Variants in PTPRD observed in about 807,000 individuals in gnomAD.
PTPRD encodes the protein protein tyrosine phosphatase receptor type D.
Under a neutral mutation model 214.5 loss-of-function variants are expected in PTPRD, and 34 were observed. The observed-to-expected ratio is 0.16, with a 90% CI of 0.12 to 0.21. The LOEUF (loss-of-function observed/expected upper bound fraction) is 0.21. Among genes scored for constraint, PTPRD ranks in the 10% least tolerant of loss-of-function variants. The pLI is 1.00. For synonymous variants in PTPRD, 1,128 were observed against 845.7 expected (o/e 1.33, Z -5.79); for missense variants, 2,545 against 2,398.7 (o/e 1.06, Z -1.27).
At chr9:9,842,989 G>C (rs907120597) in intron 5 of PTPRD, among the ~76,000 whole-genome samples, 1 of 152,030 alleles carries the variant, frequency 6.6e-6, no homozygotes, top group African/African-American at 2.4e-5. Context: ...CTGTAAGGCA[G>C]GAGTTAGCAA....
rs996283341 is a variant in PTPRD at position 9,217,652 on chromosome 9, G to T, written c.-202-34289C>A. On this transcript the variant is annotated intron_variant, in intron 9 of 45. Coordinates refer to ENST00000381196, the MANE Select transcript of PTPRD (RefSeq NM_002839.4). ...AAGTTTCTCTGGTTTCTAAGGGCCT[G>T]CCAGAATAAAGTCCAGACTTCCTTT... is the stretch of plus-strand genomic sequence containing the variant. Among the ~76,000 whole-genome samples, 20 of 152,218 alleles carry T rather than the reference G, an allele frequency of 1.3e-4. 1 individual carries two copies. The highest frequency in any genetic ancestry group is 4.6e-4 in the African/African-American group (19 of 41,558).
At chr9:8,607,216 A>C (rs2095259944) in intron 14 of PTPRD, among the ~76,000 whole-genome samples, 1 of 152,254 alleles carries the variant, frequency 6.6e-6, no homozygotes, top group African/African-American at 2.4e-5. Flanking sequence ...GAGTTAATGC[A>C]TATGTAAATT....
At chr9:10,167,991 G>A (rs1477102320) in intron 3 of PTPRD, among the ~76,000 whole-genome samples, 2 of 152,204 alleles carry the variant, frequency 1.3e-5, no homozygotes, top group African/African-American at 2.4e-5. Flanking sequence ...AGAGCTCATT[G>A]TACCTCAGTG....
chr9:8,451,983 T>G (rs1002363430), intron 33 of PTPRD: 1 of 381,220 alleles, frequency 2.6e-6, no homozygotes, highest in Non-Finnish European at 5.1e-6. Context: ...AAGAAAACTC[T>G]CTAAAGTAAT....
chr9:10,424,064 T>C (rs1003356312), intron 2 of PTPRD, among the ~76,000 whole-genome samples: 9 of 151,926 alleles, frequency 5.9e-5, no homozygotes, highest in African/African-American at 1.4e-4. Flanking sequence ...AGCAAGAAAA[T>C]AGATTACATT....
chr9:9,418,579 G>A (rs1262709069), intron 8 of PTPRD, among the ~76,000 whole-genome samples: 1 of 151,926 alleles, frequency 6.6e-6, no homozygotes, highest in African/African-American at 2.4e-5. Flanking sequence ...TTTCTTATCT[G>A]TAAAATGGCC....
chr9:10,255,930 G>C (rs1337698539), intron 3 of PTPRD, among the ~76,000 whole-genome samples: 1 of 152,128 alleles, frequency 6.6e-6, no homozygotes, highest in Non-Finnish European at 1.5e-5. Flanking sequence ...CCTGTCCTTG[G>C]CGTGTTAGGA....
At chr9:10,569,642 T>C (rs2066815134) in intron 2 of PTPRD, among the ~76,000 whole-genome samples, 1 of 152,046 alleles carries the variant, frequency 6.6e-6, no homozygotes, top group Non-Finnish European at 1.5e-5. Context: ...GCTATGTAAT[T>C]CATTATAACA....
intron 11 of PTPRD, among the ~76,000 whole-genome samples, chr9:8,840,952 G>T (rs1337839607): frequency 2.0e-5 from 3 of 152,072 alleles, no homozygotes; most frequent in Non-Finnish European, 2.9e-5. Flanking sequence ...GTGAATCACC[G>T]GGTTTCCTTA....
intron 10 of PTPRD, among the ~76,000 whole-genome samples, chr9:9,076,160 A>G (rs950435144): frequency 6.6e-6 from 1 of 152,176 alleles, no homozygotes; most frequent in African/African-American, 2.4e-5. Flanking sequence ...TCTGATGTCC[A>G]GTGATGATGA....
chr9:9,174,507 G>A (rs545319271), intron 10 of PTPRD, among the ~76,000 whole-genome samples: 16 of 152,170 alleles, frequency 1.1e-4, no homozygotes, highest in African/African-American at 3.9e-4. Context: ...TCTGCCTTAA[G>A]GGTTTTCAGG....
intron 9 of PTPRD, among the ~76,000 whole-genome samples, chr9:9,326,664 C>T (rs4592098): frequency 0.74 from 112,349 of 151,374 alleles, 41,866 homozygotes; most frequent in East Asian, 0.91. Flanking sequence ...TTTAAATGAG[C>T]AAGTAAGATA....
chr9:9,217,000 G>A (rs527825374), intron 9 of PTPRD, among the ~76,000 whole-genome samples: 1 of 151,838 alleles, frequency 6.6e-6, no homozygotes, highest in Non-Finnish European at 1.5e-5. Flanking sequence ...AGAGTAGAGG[G>A]CAAAAAAATT....
At chr9:10,013,887 C>G (rs913199846) in intron 4 of PTPRD, among the ~76,000 whole-genome samples, 13 of 151,634 alleles carry the variant, frequency 8.6e-5, no homozygotes, top group African/African-American at 3.1e-4. Context: ...TTGTTTGTTT[C>G]TTCTTTGTGT....
intron 6 of PTPRD, among the ~76,000 whole-genome samples, chr9:9,750,299 G>A (rs889663979): frequency 6.6e-6 from 1 of 151,976 alleles, no homozygotes; most frequent in Non-Finnish European, 1.5e-5. Flanking sequence ...TTTAAAAACT[G>A]TCTTTGCTTT....
intron 7 of PTPRD, among the ~76,000 whole-genome samples, chr9:9,651,822 GTTTGTT>G (rs1362807324): frequency 4.2e-4 from 39 of 92,616 alleles, no homozygotes; most frequent in African/African-American, 1.4e-3. Context: ...TTTATTCAAG[GTTTGTT>G]TTTTTTTTTT....
At chr9:8,868,731 C>G (rs2098242907) in intron 11 of PTPRD, among the ~76,000 whole-genome samples, 1 of 152,028 alleles carries the variant, frequency 6.6e-6, no homozygotes, top group African/African-American at 2.4e-5. Flanking sequence ...TAAGTAGTAA[C>G]TACAAATGAG....
intron 8 of PTPRD, among the ~76,000 whole-genome samples, chr9:9,422,007 CA>C (rs2079007301): frequency 6.8e-6 from 1 of 147,816 alleles, no homozygotes; most frequent in Non-Finnish European, 1.5e-5. Flanking sequence ...AACAAAAAAA[CA>C]GTAAAGAATG....
chr9:10,591,684 G>A (rs1220495750), intron 2 of PTPRD, among the ~76,000 whole-genome samples: 1 of 151,970 alleles, frequency 6.6e-6, no homozygotes, highest in Non-Finnish European at 1.5e-5. Context: ...CCCCAAATAT[G>A]CCAGCCTCAT....
Sources: allele counts gnomAD v4.1 joint callset (sites outside exome capture counted in the v4.1 genomes callset), GRCh38; gene constraint gnomAD v4.1.1; transcripts MANE v1.5; gene names NCBI Gene and HGNC (gene_info 2026-07-23, HGNC 2026-07-21).